The following PCSK5 variants were observed in gnomAD, a reference collection of about 807,000 sequenced individuals.
PCSK5 encodes prohormone convertase 5.
A neutral mutation model predicts 233.2 loss-of-function variants in PCSK5; 129 were observed. That is an observed-to-expected ratio of 0.55 (90% CI 0.48 to 0.64). The LOEUF (loss-of-function observed/expected upper bound fraction) is 0.64. PCSK5 is among the 30% of genes least tolerant of loss of function. The probability of loss-of-function intolerance (pLI) is 0.00; values close to 1 mark genes in which losing one functional copy is unlikely to be tolerated. For missense variants in PCSK5, 2,076 were observed against 2,430.1 expected, an observed-to-expected ratio of 0.85 and a Z score of 3.06; for synonymous variants, 825 against 879.2, an observed-to-expected ratio of 0.94 and a Z score of 1.09.
intron 24 of PCSK5, 31 bp from the exon 25 acceptor site, chr9:76,292,202 A>G: frequency 1.5e-6 from 2 of 1,340,156 alleles, no homozygotes; most frequent in Non-Finnish European, 2.1e-6. Context: ...ATTCCTCATG[A>G]TTATTACTTT....
intron 3 of PCSK5, among the ~76,000 whole-genome samples, chr9:75,999,740 C>T (rs1322926127): frequency 6.6e-6 from 1 of 152,170 alleles, no homozygotes; most frequent in Non-Finnish European, 1.5e-5. Context: ...TGTTTATGGC[C>T]AGTTTTGGGG....
At chr9:75,989,497 A>T (rs1003403211) in intron 3 of PCSK5, among the ~76,000 whole-genome samples, 7 of 32,086 alleles carry the variant, frequency 2.2e-4, no homozygotes, top group Non-Finnish European at 3.2e-4. Flanking sequence ...CCCTCAAATA[A>T]AAAAAAAAAA....
chr9:76,181,650 G>A (rs1273345889), intron 16 of PCSK5, 59 bp downstream of exon 16: 2 of 1,136,700 alleles, frequency 1.8e-6, no homozygotes, highest in Non-Finnish European at 2.6e-6. Context: ...TCATTTGAGT[G>A]ACCTCAGGAG....
intron 20 of PCSK5, among the ~76,000 whole-genome samples, chr9:76,213,835 A>G (rs1191333223): frequency 1.3e-5 from 2 of 152,058 alleles, no homozygotes; most frequent in Admixed American, 6.6e-5. Context: ...GACTTATTCT[A>G]CCTTCAACCC....
At chr9:76,028,951 T>C (rs890877673) in intron 5 of PCSK5, among the ~76,000 whole-genome samples, 19 of 152,142 alleles carry the variant, frequency 1.2e-4, no homozygotes, top group Non-Finnish European at 2.2e-4. Context: ...TTTTCTCAGT[T>C]ATAATTTTTG....
At chr9:76,308,512 C>A in intron 28 of PCSK5, 133 bp from the exon 29 acceptor site, 1 of 675,774 alleles carries the variant, frequency 1.5e-6, no homozygotes, top group Non-Finnish European at 2.7e-6. Context: ...CAACAATCAG[C>A]TCATGTACAA....
chr9:76,163,212 T>A (rs530870901), intron 12 of PCSK5, among the ~76,000 whole-genome samples: 1 of 152,344 alleles, frequency 6.6e-6, no homozygotes, highest in Non-Finnish European at 1.5e-5. Flanking sequence ...ATTGTTTATC[T>A]CCTCACCACA....
intron 24 of PCSK5, among the ~76,000 whole-genome samples, chr9:76,253,424 C>T (rs1231804984): frequency 6.6e-6 from 1 of 152,078 alleles, no homozygotes; most frequent in Non-Finnish European, 1.5e-5. Context: ...CTCCCTGCCC[C>T]CTCATTGTCT....
chr9:76,123,020 T>C (rs1001230233), intron 9 of PCSK5, among the ~76,000 whole-genome samples: 10 of 151,904 alleles, frequency 6.6e-5, no homozygotes, highest in Non-Finnish European at 1.5e-4. Context: ...TTATTACTAT[T>C]TTTTGTAGAG....
At chr9:76,059,938 T>G (rs1829966407) in intron 5 of PCSK5, among the ~76,000 whole-genome samples, 1 of 152,200 alleles carries the variant, frequency 6.6e-6, no homozygotes, top group Non-Finnish European at 1.5e-5. Flanking sequence ...GGGCTTACTC[T>G]AGAACTCTGT....
At chr9:76,054,229 T>C (rs1829742212) in intron 5 of PCSK5, among the ~76,000 whole-genome samples, 1 of 152,198 alleles carries the variant, frequency 6.6e-6, no homozygotes, top group South Asian at 2.1e-4. Context: ...AGATGAGATT[T>C]GGGTGGGGAC....
rs548537982 is a variant in PCSK5, at chr9:76,047,709, C to A, written c.633-20246C>A. Among the ~76,000 whole-genome samples the A allele has an allele frequency of 5.9e-5, 9 of 152,064 alleles. No individual in the cohort carries two copies. The South Asian group carries it at 1.7e-3, about 28-fold the overall frequency. ...GGGACTCATTAATGGGATAAATGGG[C>A]GTTGTGAGGAGAAAACATTAAAAAT... On this transcript the variant is annotated intron_variant, in intron 5 of 37. Coordinates refer to ENST00000674117, the MANE Select transcript of PCSK5 (RefSeq NM_001372043.1).
At chr9:76,219,344 C>T (rs914997914) in intron 20 of PCSK5, among the ~76,000 whole-genome samples, 6 of 151,936 alleles carry the variant, frequency 3.9e-5, no homozygotes, top group Non-Finnish European at 8.8e-5. Context: ...CACACTGCAG[C>T]GGTATTTTCA....
At chr9:75,973,492 T>A (rs1825887006) in intron 2 of PCSK5, among the ~76,000 whole-genome samples, 1 of 152,228 alleles carries the variant, frequency 6.6e-6, no homozygotes, top group African/African-American at 2.4e-5. Flanking sequence ...TCATTAATTC[T>A]GTAAATCACT....
rs116454650 is a variant in PCSK5, at chr9:76,292,493, C to G, written c.3185+218C>G. Among the ~76,000 whole-genome samples, 604 of 152,268 alleles carry G rather than the reference C, an allele frequency of 4.0e-3. 8 individuals are homozygous for G. Among genetic ancestry groups the G allele is most frequent in the African/African-American group, 0.013 (551 of 41,558 alleles). ...TCTCTTTCTTGATCCTGGAAGTCAT[C>G]CAGCCTGACACTGGTGTCTAGGAAT... On this transcript the variant is annotated intron_variant, in intron 25 of 37. Transcript: ENST00000674117.
chr9:75,957,227 G>C (rs1385735621), intron 2 of PCSK5, among the ~76,000 whole-genome samples: 1 of 152,098 alleles, frequency 6.6e-6, no homozygotes, highest in African/African-American at 2.4e-5. Context: ...ACTGAATCTT[G>C]ACTCAGTCCT....
intron 10 of PCSK5, 148 bp downstream of exon 10, chr9:76,134,360 C>A: frequency 1.8e-6 from 1 of 559,478 alleles, no homozygotes; most frequent in Non-Finnish European, 3.1e-6. Context: ...AAATAAAAGG[C>A]AGGTTGATTT....
chr9:76,022,737 A>G (rs138788007), intron 3 of PCSK5, among the ~76,000 whole-genome samples: 1,678 of 152,352 alleles, frequency 0.011, 20 homozygotes, highest in Middle Eastern at 0.014. Context: ...ATTACTATAT[A>G]TAATGAGCTC....
rs561393988 is a variant in PCSK5 at position 75,995,669 on chromosome 9, G to C, written c.411+9424G>C. On this transcript the variant is annotated intron_variant, in intron 3 of 37. Transcript: ENST00000674117. Reference sequence around the variant, plus strand: ...CACAGAGGACTATTTCTTTAACTTAGGTCTGTGGGCTAGATGGAGGTCCAA... The same window carrying C: ...CACAGAGGACTATTTCTTTAACTTACGTCTGTGGGCTAGATGGAGGTCCAA... Among the ~76,000 whole-genome samples, 7 of 150,740 alleles carry C rather than the reference G, an allele frequency of 4.6e-5. No homozygotes were observed. The East Asian group carries it at 9.8e-4, about 21-fold the overall frequency.
Sources: gnomAD v4.1 joint callset for allele counts (sites outside exome capture counted in the v4.1 genomes callset) on GRCh38, gnomAD v4.1.1 for gene constraint, MANE v1.5 for transcripts, NCBI Gene and HGNC (gene_info 2026-07-23, HGNC 2026-07-21) for gene names.